CCDC30: variants seen among roughly 807,000 people sequenced by gnomAD.
The protein encoded by CCDC30 is coiled-coil domain containing 30, also known as coiled-coil domain-containing protein 30.
CCDC30 carries 70 observed loss-of-function variants against 100.2 expected under a neutral mutation model. The ratio of observed to expected loss-of-function variants is 0.70; its 90% CI spans 0.58 to 0.85. The LOEUF is 0.85. Among genes scored for constraint, CCDC30 ranks in the 40% least tolerant of loss-of-function variants. The probability of loss-of-function intolerance (pLI) is 0.00; values close to 1 mark genes in which losing one functional copy is unlikely to be tolerated. For missense variants in CCDC30, 652 were observed against 771.2 expected (o/e 0.85, Z 1.83); for synonymous variants, 233 against 269.5 (o/e 0.86, Z 1.33).
intron 8 of CCDC30, among the ~76,000 whole-genome samples, chr1:42,580,649 G>GA (rs943304355): frequency 4.6e-5 from 7 of 151,832 alleles, no homozygotes; most frequent in Non-Finnish European, 1.0e-4. Context: ...AAAAAGGCAA[G>GA]AAAAAAATGT....
chr1:42,500,392 T>G, intron 6 of CCDC30: 1 of 1,163,754 alleles, frequency 8.6e-7, no homozygotes, highest in Non-Finnish European at 1.3e-6. Flanking sequence ...AAGTCTGGTC[T>G]GCGCAGTGGC....
At chr1:42,528,162 G>A (rs377213983) in intron 6 of CCDC30, among the ~76,000 whole-genome samples, 6 of 152,154 alleles carry the variant, frequency 3.9e-5, no homozygotes, top group African/African-American at 1.2e-4. Context: ...CACTGAGCCC[G>A]GCCTCCTCTA....
intron 6 of CCDC30, chr1:42,558,152 GA>G (rs1419440133): frequency 1.7e-5 from 5 of 302,338 alleles, no homozygotes; most frequent in Admixed American, 1.1e-4. Context: ...GACTGAACTG[GA>G]AAATGTAGAT....
rs182847844 is a variant in CCDC30, at chr1:42,649,771, C to T, written c.1854+3454C>T. ...AAATCAACACACCAAAATCAACACA[C>T]CAAAATCAGTAGTGCTTCTATACAC... On this transcript the variant is annotated intron_variant, in intron 15 of 16. Coordinates refer to ENST00000668663, the Ensembl canonical transcript of CCDC30. Among the ~76,000 whole-genome samples the T allele has an allele frequency of 1.2e-3, 173 of 149,884 alleles. 1 individual carries two copies. The highest frequency in any genetic ancestry group is 6.8e-3 in the Middle Eastern group (2 of 292).
chr1:42,503,490 T>C (rs1321157018), intron 6 of CCDC30, among the ~76,000 whole-genome samples: 3 of 150,122 alleles, frequency 2.0e-5, no homozygotes, highest in African/African-American at 7.4e-5. Flanking sequence ...GGAAGGCTTG[T>C]CACCCCACCC....
chr1:42,517,972 T>C (rs1251005622), intron 6 of CCDC30, among the ~76,000 whole-genome samples: 2 of 152,230 alleles, frequency 1.3e-5, no homozygotes, highest in Admixed American at 6.5e-5. Flanking sequence ...TTAGGCTCTG[T>C]ACAAATTTTA....
chr1:42,579,626 C>T lies in CCDC30; in HGVS notation c.847-1734C>T, dbSNP rs4523558. Among the ~76,000 whole-genome samples the T allele has an allele frequency of 8.2e-3, 1,242 of 151,394 alleles. 12 individuals carry two copies. Among genetic ancestry groups the T allele is most frequent in the African/African-American group, 0.027 (1,124 of 41,212 alleles). On this transcript the variant is annotated intron_variant, in intron 8 of 16. Coordinates refer to ENST00000668663, the Ensembl canonical transcript of CCDC30. ...TCCAGCCTGGGTGACAAGAGCGAAA[C>T]TCTGTCTCAAAAAGAGAGAGAGAGA...
intron 6 of CCDC30, among the ~76,000 whole-genome samples, chr1:42,510,656 C>CAA (rs112722955): frequency 8.8e-4 from 109 of 124,310 alleles, no homozygotes; most frequent in African/African-American, 2.5e-3. Flanking sequence ...GACTCCGTTT[C>CAA]AAAAAAAAAA....
At chr1:42,626,635 T>C (rs1343039946) in intron 11 of CCDC30, among the ~76,000 whole-genome samples, 2 of 152,130 alleles carry the variant, frequency 1.3e-5, no homozygotes, top group African/African-American at 4.8e-5. Context: ...AATTCCCACA[T>C]GTTGTGGGAG....
intron 2 of CCDC30, among the ~76,000 whole-genome samples, chr1:42,480,774 A>G (rs1469282084): frequency 2.0e-5 from 3 of 152,202 alleles, no homozygotes; most frequent in South Asian, 4.1e-4. Flanking sequence ...AATTGTGGCT[A>G]ATTACAAATC....
At chr1:42,625,455 C>A (rs1011593253) in intron 11 of CCDC30, among the ~76,000 whole-genome samples, 1 of 151,964 alleles carries the variant, frequency 6.6e-6, no homozygotes, top group African/African-American at 2.4e-5. Flanking sequence ...CTTTAAGATG[C>A]ATCATTAGAT....
At chr1:42,578,618 C>T (rs1366494132) in intron 8 of CCDC30, among the ~76,000 whole-genome samples, 1 of 152,006 alleles carries the variant, frequency 6.6e-6, no homozygotes, top group Non-Finnish European at 1.5e-5. Flanking sequence ...GGATTTGGTG[C>T]AACAAGAACT....
At chr1:42,465,835 A>G (rs182648104) in intron 1 of CCDC30, among the ~76,000 whole-genome samples, 6 of 152,340 alleles carry the variant, frequency 3.9e-5, no homozygotes, top group African/African-American at 1.2e-4. Context: ...AACTGCCTCC[A>G]CAACAGCTCA....
chr1:42,619,113 C>T (rs1038684339), intron 11 of CCDC30, among the ~76,000 whole-genome samples: 2 of 152,066 alleles, frequency 1.3e-5, no homozygotes, highest in Non-Finnish European at 2.9e-5. Flanking sequence ...GGGTACAACC[C>T]CAGCAGTCAA....
intron 13 of CCDC30, among the ~76,000 whole-genome samples, chr1:42,643,519 G>A (rs1647627116): frequency 1.3e-5 from 2 of 152,156 alleles, no homozygotes; most frequent in South Asian, 4.1e-4. Flanking sequence ...AACTGTCATA[G>A]CTTCTGACAG....
chr1:42,598,862 A>G (rs1219802679), intron 10 of CCDC30, among the ~76,000 whole-genome samples: 1 of 152,096 alleles, frequency 6.6e-6, no homozygotes, highest in Non-Finnish European at 1.5e-5. Context: ...GGAGTTTGAG[A>G]CCAACCTGGG....
intron 4 of CCDC30, among the ~76,000 whole-genome samples, chr1:42,495,375 A>C (rs893115860): frequency 6.6e-6 from 1 of 151,790 alleles, no homozygotes; most frequent in African/African-American, 2.4e-5. Context: ...GAGAGAGGGG[A>C]GGGATAGCAT....
intron 6 of CCDC30, 128 bp from the exon 10 acceptor site, chr1:42,556,028 A>T: frequency 1.1e-6 from 1 of 881,870 alleles, no homozygotes; most frequent in Non-Finnish European, 1.7e-6. Flanking sequence ...GAATAAGATG[A>T]CTGTTGTGCT....
At chr1:42,610,887 T>C (rs78755160) in intron 10 of CCDC30, 91 bp from the exon 15 acceptor site, 2 of 275,424 alleles carry the variant, frequency 7.3e-6, no homozygotes, top group South Asian at 1.1e-4. Flanking sequence ...CTATAAGCTT[T>C]TTTTTTTTTT....
Sources: allele counts gnomAD v4.1 joint callset (sites outside exome capture counted in the v4.1 genomes callset), GRCh38; gene constraint gnomAD v4.1.1; transcripts MANE v1.5; gene names NCBI Gene and HGNC (gene_info 2026-07-23, HGNC 2026-07-21).